The following PPP2R2A variants were observed in gnomAD, a reference collection of about 807,000 sequenced individuals.
PPP2R2A encodes serine/threonine-protein phosphatase 2A 55 kDa regulatory subunit B alpha isoform.
Under a neutral mutation model 53.2 loss-of-function variants are expected in PPP2R2A, and 9 were observed. The ratio of observed to expected loss-of-function variants is 0.17; its 90% CI spans 0.10 to 0.30. The LOEUF (loss-of-function observed/expected upper bound fraction) is 0.30, where lower values mean the gene tolerates loss of function less well. Among genes scored for constraint, PPP2R2A ranks in the 10% least tolerant of loss-of-function variants. The pLI is 1.00. For synonymous variants in PPP2R2A, 169 were observed against 174.2 expected, an observed-to-expected ratio of 0.97 and a Z score of 0.23; for missense variants, 235 against 534.6, an observed-to-expected ratio of 0.44 and a Z score of 5.53.
At position 26,362,094 on chromosome 8, in the gene PPP2R2A, TAGATTAGAAAA is replaced by T. The variant is rs769475101; in HGVS notation, c.638-575_638-565del. ...ATTAGAAAAAGATTAATAATTAGAT[TAGATTAGAAAA>T]AGATTAGAAAAAGAAAGATTAAAGA... On this transcript the variant is annotated intron_variant, in intron 6 of 9. Coordinates refer to ENST00000380737, the MANE Select transcript of PPP2R2A (RefSeq NM_002717.4). The surrounding 1 kb of genome is among the most constrained non-coding windows in gnomAD (Gnocchi z 4.4). Among the ~76,000 whole-genome samples the T allele has an allele frequency of 6.6e-5, 10 of 150,888 alleles. No homozygotes were observed. The South Asian group carries it at 1.0e-3, about 16-fold the overall frequency.
At chr8:26,322,815 C>T (rs1314754960) in intron 2 of PPP2R2A, among the ~76,000 whole-genome samples, 1 of 152,182 alleles carries the variant, frequency 6.6e-6, no homozygotes, top group African/African-American at 2.4e-5. Flanking sequence ...AGTTCAATTC[C>T]AGAGCTTCCC....
intron 2 of PPP2R2A, among the ~76,000 whole-genome samples, chr8:26,335,528 C>T (rs2117315924): frequency 6.6e-6 from 1 of 152,286 alleles, no homozygotes; most frequent in Middle Eastern, 3.4e-3. Context: ...ATCTACCCCT[C>T]CCCGAAATAA....
chr8:26,333,000 T>G (rs1803462740), intron 2 of PPP2R2A, among the ~76,000 whole-genome samples: 1 of 152,238 alleles, frequency 6.6e-6, no homozygotes, highest in South Asian at 2.1e-4. Flanking sequence ...TTCTATACAT[T>G]GAAAATGATA....
chr8:26,331,947 G>A (rs548622093), intron 2 of PPP2R2A, among the ~76,000 whole-genome samples: 1 of 152,176 alleles, frequency 6.6e-6, no homozygotes, highest in African/African-American at 2.4e-5. Flanking sequence ...TCACTGTAAA[G>A]CCTAATTATA....
At chr8:26,331,344 C>G (rs1803367335) in intron 2 of PPP2R2A, among the ~76,000 whole-genome samples, 1 of 152,174 alleles carries the variant, frequency 6.6e-6, no homozygotes, top group Non-Finnish European at 1.5e-5. Context: ...ACAATAAATT[C>G]AGGTTATCTT....
Position 26,371,315 on chromosome 8 carries a change from T to G in PPP2R2A, c.*902T>G, listed in dbSNP as rs1475402737. 6.6e-6 allele frequency: 1 copy of G among 151,974 alleles called. No individual in the cohort carries two copies. The highest frequency in any genetic ancestry group is 2.4e-5 in the African/African-American group (1 of 41,540). The allele number at this position is 151,974 out of a possible 1,614,324, so 9.4% of individuals were successfully genotyped here. A position where few individuals can be genotyped will look rare whatever the true frequency, so the allele number is the denominator to read the frequency against. The stretch of plus-strand genomic sequence containing the variant: ...GTTCTCTATGAACATATTTTGAATA[T>G]AGGTTTTATTAAGGATTTCACAATC... On this transcript the variant is annotated 3_prime_UTR_variant, in exon 10 of 10. Transcript: ENST00000380737.
intron 2 of PPP2R2A, among the ~76,000 whole-genome samples, chr8:26,300,636 A>G (rs1487920135): frequency 6.6e-6 from 1 of 152,170 alleles, no homozygotes; most frequent in African/African-American, 2.4e-5. Flanking sequence ...CAGGCAGATC[A>G]CGAGGTCAGG....
At chr8:26,333,547 G>A in intron 2 of PPP2R2A, 2 of 1,194,434 alleles carry the variant, frequency 1.7e-6, no homozygotes, top group Non-Finnish European at 1.1e-6. Context: ...ACTCCATAAA[G>A]TGCCTCACAA....
At chr8:26,344,155 CAGTTTATGTGCT>C (rs1342420531) in intron 3 of PPP2R2A, among the ~76,000 whole-genome samples, 1 of 152,180 alleles carries the variant, frequency 6.6e-6, no homozygotes, top group Non-Finnish European at 1.5e-5. Flanking sequence ...GTAGTAGCAG[CAGTTTATGTGCT>C]AGGACCTCTG....
At chr8:26,299,049 G>A (rs1801665905) in intron 2 of PPP2R2A, among the ~76,000 whole-genome samples, 1 of 152,206 alleles carries the variant, frequency 6.6e-6, no homozygotes, top group African/African-American at 2.4e-5. Flanking sequence ...CCAGGCGAGA[G>A]GATCTCTTGA....
At chr8:26,340,149 T>C (rs1015116168) in intron 3 of PPP2R2A, among the ~76,000 whole-genome samples, 1 of 151,986 alleles carries the variant, frequency 6.6e-6, no homozygotes, top group Non-Finnish European at 1.5e-5. Context: ...AGTTTTCTGT[T>C]TTTAAGTAGC....
intron 2 of PPP2R2A, among the ~76,000 whole-genome samples, chr8:26,319,262 A>G (rs906525234): frequency 2.6e-5 from 4 of 152,192 alleles, no homozygotes; most frequent in East Asian, 1.9e-4. Context: ...TAGTGTTGCT[A>G]TGAACACTGA....
At chr8:26,310,668 CTTT>C (rs79086645) in intron 2 of PPP2R2A, among the ~76,000 whole-genome samples, 1 of 46,882 alleles carries the variant, frequency 2.1e-5, no homozygotes. Flanking sequence ...TTTTTTTTTC[CTTT>C]TTTTTTTTTT....
intron 3 of PPP2R2A, among the ~76,000 whole-genome samples, chr8:26,346,982 A>C (rs1005364312): frequency 6.6e-6 from 1 of 152,196 alleles, no homozygotes; most frequent in Non-Finnish European, 1.5e-5. Flanking sequence ...TCTAAATGAT[A>C]GAATTTGCAC....
chr8:26,327,225 C>T (rs1055071887), intron 2 of PPP2R2A, among the ~76,000 whole-genome samples: 1 of 152,124 alleles, frequency 6.6e-6, no homozygotes, highest in Non-Finnish European at 1.5e-5. Context: ...TGTGCCCTGA[C>T]GTAAGGAAAG....
chr8:26,367,046 A>T (rs1206124378), intron 9 of PPP2R2A, among the ~76,000 whole-genome samples: 1 of 152,204 alleles, frequency 6.6e-6, no homozygotes, highest in African/African-American at 2.4e-5. Context: ...GTAAAACATA[A>T]TTTTGGAATT....
chr8:26,366,982 C>T (rs1805409858), intron 9 of PPP2R2A, among the ~76,000 whole-genome samples: 1 of 151,932 alleles, frequency 6.6e-6, no homozygotes, highest in African/African-American at 2.4e-5. Context: ...ATAAGTCTTA[C>T]TTTGAGTCTT....
intron 2 of PPP2R2A, among the ~76,000 whole-genome samples, chr8:26,307,297 T>G (rs1206425021): frequency 1.3e-5 from 2 of 152,228 alleles, no homozygotes; most frequent in Non-Finnish European, 2.9e-5. Context: ...GGTTCACAGA[T>G]ACTGGAGTCT....
At chr8:26,319,245 A>C (rs1013771814) in intron 2 of PPP2R2A, among the ~76,000 whole-genome samples, 5 of 152,140 alleles carry the variant, frequency 3.3e-5, no homozygotes, top group Non-Finnish European at 4.4e-5. Context: ...CCTTTTGGCT[A>C]TTTCAATAGT....
Sources: gnomAD v4.1 joint callset for allele counts (sites outside exome capture counted in the v4.1 genomes callset) on GRCh38, gnomAD v4.1.1 for gene constraint, Gnocchi (gnomAD v3.1) non-coding constraint, MANE v1.5 for transcripts, NCBI Gene and HGNC (gene_info 2026-07-23, HGNC 2026-07-21) for gene names.